DHX8: variants seen among roughly 807,000 people sequenced by gnomAD.
DHX8 encodes DEAH-box helicase 8.
In DHX8, 67 loss-of-function variants were observed where a neutral mutation model predicts 140.7. That is an observed-to-expected ratio of 0.48 (90% confidence interval 0.39 to 0.58). The LOEUF is 0.58. Ranked by LOEUF, DHX8 falls within the 20% of genes least tolerant of loss-of-function variation. The pLI, the probability that DHX8 is intolerant of heterozygous loss-of-function variation, is 0.00. For missense variants in DHX8, 887 were observed against 1,550.7 expected, an observed-to-expected ratio of 0.57 and a Z score of 7.19; for synonymous variants, 533 against 553.2, an observed-to-expected ratio of 0.96 and a Z score of 0.51.
rs1347418873 is a variant in DHX8, at chr17:43,507,885, TC to T, written c.2187del (p.Tyr730MetfsTer32). ...TLDAVKFSQY[F>X]YEAPIFTIPG... The stretch of plus-strand genomic sequence containing the variant: ...GATGCAGTGAAGTTTTCTCAATACT[TC>T]TATGAAGCTCCCATTTTCACCATCC... On this transcript the variant is annotated frameshift_variant, in exon 15 of 23. Transcript: ENST00000262415. LOFTEE classifies it high-confidence loss of function. 4 of 1,614,110 alleles carry T rather than the reference TC, an allele frequency of 2.5e-6. No homozygotes were observed. Among genetic ancestry groups the T allele is most frequent in the African/African-American group, 1.3e-5 (1 of 74,940 alleles).
chr17:43,506,389 C>T (rs1043921267), intron 12 of DHX8, among the ~76,000 whole-genome samples: 31 of 151,508 alleles, frequency 2.0e-4, no homozygotes, highest in African/African-American at 3.6e-4. Context: ...GAGGCCAAGG[C>T]GGGCGGATCA....
downstream of DHX8, chr17:43,526,687 C>A: frequency 6.6e-7 from 1 of 1,513,708 alleles, no homozygotes; most frequent in Non-Finnish European, 8.8e-7. Context: ...CTCCCTCTCT[C>A]TTCGTGTGTG....
At chr17:43,528,796 T>G, downstream of DHX8, 1 of 1,427,334 alleles carries the variant, frequency 7.0e-7, no homozygotes, top group Non-Finnish European at 9.8e-7. Context: ...AGCCTTTGTA[T>G]GGGGTAAGGT....
intron 1 of DHX8, 144 bp from the exon 2 acceptor site, chr17:43,489,305 A>T: frequency 1.7e-6 from 1 of 601,628 alleles, no homozygotes; most frequent in Non-Finnish European, 2.9e-6. Context: ...ACACCTGGCC[A>T]GATTTTCTCT....
At chr17:43,494,238 C>T (rs956705015) in intron 8 of DHX8, among the ~76,000 whole-genome samples, 1 of 152,136 alleles carries the variant, frequency 6.6e-6, no homozygotes, top group Non-Finnish European at 1.5e-5. Flanking sequence ...GAGCTGCCTC[C>T]ATGATTCAGT....
intron 1 of DHX8, among the ~76,000 whole-genome samples, chr17:43,487,607 A>G (rs1468474476): frequency 6.6e-6 from 1 of 151,948 alleles, no homozygotes; most frequent in Non-Finnish European, 1.5e-5. Context: ...GCCCACCACA[A>G]CCTCCCAAAG....
chr17:43,539,779 G>C (rs1414752115), intron 3 of DHX8, among the ~76,000 whole-genome samples: 1 of 152,190 alleles, frequency 6.6e-6, no homozygotes, highest in African/African-American at 2.4e-5. Context: ...CTCCAGGAAA[G>C]CACATCTCAC....
At position 43,492,902 on chromosome 17, in the gene DHX8, G is replaced by A. The variant is rs752031496; in HGVS notation, c.725G>A (p.Gly242Glu). 3.5e-5 allele frequency: 56 copies of A among 1,614,096 alleles called. No individual in the cohort carries two copies. The highest frequency in any genetic ancestry group is 4.7e-5 in the Non-Finnish European group (56 of 1,180,054). ...PKDRKDRDKY[G>E]ERNLDRWRDK... ...GACCGGAAGGACCGGGACAAATATG[G>A]AGAGCGGAATCTGGATAGATGGCGG... Residue 242 changes from glycine (G) to glutamate (E), a missense_variant, in exon 6 of 23, where the codon GGA becomes GAA. By Grantham distance (98) the Gly-to-Glu change is moderately conservative. Coordinates refer to ENST00000262415, the MANE Select transcript of DHX8 (RefSeq NM_004941.3).
At chr17:43,511,687 A>G (rs1300586067) in intron 16 of DHX8, among the ~76,000 whole-genome samples, 2 of 150,034 alleles carry the variant, frequency 1.3e-5, no homozygotes, top group Non-Finnish European at 3.0e-5. Flanking sequence ...CGAACTCCTG[A>G]TCTCAGATGA....
chr17:43,519,163 A>G (rs1970253393), intron 18 of DHX8: 1 of 152,224 alleles, frequency 6.6e-6, no homozygotes, highest in Non-Finnish European at 1.5e-5. Flanking sequence ...TATTTAGCCT[A>G]TTAAGGAACC....
At position 43,493,608 on chromosome 17, in the gene DHX8, C is replaced by T. The variant is rs755537171; in HGVS notation, c.1008+19C>T. On this transcript the variant is annotated intron_variant, in intron 7 of 22. Transcript: ENST00000262415. The stretch of plus-strand genomic sequence containing the variant: ...CATGAAGGTAGGTGAGATGGTCAGC[C>T]TGTTCTTACATGTGATGGCCAAGGG... The T allele has an allele frequency of 1.7e-5, 28 of 1,614,008 alleles. No individual in the cohort carries two copies. The highest frequency in any genetic ancestry group is 1.4e-4 in the South Asian group (13 of 91,072).
intron 11 of DHX8, among the ~76,000 whole-genome samples, chr17:43,502,881 G>A (rs1182759494): frequency 6.6e-6 from 1 of 152,170 alleles, no homozygotes; most frequent in African/African-American, 2.4e-5. Context: ...ACCCTTTAGT[G>A]AAATGTTCTC....
intron 9 of DHX8, among the ~76,000 whole-genome samples, chr17:43,497,603 A>T (rs2154586490): frequency 6.6e-6 from 1 of 152,214 alleles, no homozygotes; most frequent in South Asian, 2.1e-4. Flanking sequence ...AAAAGAAAAA[A>T]AATTAGCCAG....
chr17:43,489,415 CTCT>C (rs141196624), intron 1 of DHX8, 31 bp from the exon 2 acceptor site: 645,536 of 1,440,178 alleles, frequency 0.45, 151,595 homozygotes, highest in Non-Finnish European at 0.49. Flanking sequence ...TTGTTCATGT[CTCT>C]TCTTTTCTGA....
At position 43,504,583 on chromosome 17, in the gene DHX8, T is replaced by C. The variant is rs900017089; in HGVS notation, c.1547-61T>C. On this transcript the variant is annotated intron_variant, in intron 11 of 22. Transcript: ENST00000262415. ...CAGTGCCCGCATGCCATTTTATTTT[T>C]TTCCTGGTACATCTTGAGGTAGCTT... 8 of 1,515,166 alleles carry C rather than the reference T, an allele frequency of 5.3e-6. No homozygotes were observed. In the African/African-American group the frequency reaches 9.8e-5, roughly 19 times the overall value. 93.9% of individuals were successfully genotyped at this position (1,515,166 alleles called of 1,614,324 possible). A position where few individuals can be genotyped will look rare whatever the true frequency, so the allele number is the denominator to read the frequency against.
downstream of DHX8, chr17:43,529,101 C>T: frequency 6.2e-7 from 1 of 1,603,142 alleles, no homozygotes; most frequent in Non-Finnish European, 8.5e-7. Context: ...GCCACTGCCC[C>T]CCACCACCTT....
At chr17:43,520,681 G>A in intron 19 of DHX8, 70 bp from the exon 20 acceptor site, 2 of 1,598,898 alleles carry the variant, frequency 1.3e-6, no homozygotes, top group Non-Finnish European at 1.7e-6. Flanking sequence ...CTCTGACCAA[G>A]GTCTTGCTCT....
downstream of DHX8, chr17:43,526,694 T>C: frequency 1.3e-6 from 2 of 1,504,642 alleles, no homozygotes; most frequent in South Asian, 2.5e-5. Context: ...TCTCTTCGTG[T>C]GTGTACTCGG....
chr17:43,522,445 G>A (rs777825165), intron 22 of DHX8, among the ~76,000 whole-genome samples: 11 of 151,966 alleles, frequency 7.2e-5, no homozygotes, highest in Non-Finnish European at 1.3e-4. Flanking sequence ...AAAAAAAATT[G>A]TGGTTTAAAA....
Sources: allele counts gnomAD v4.1 joint callset (sites outside exome capture counted in the v4.1 genomes callset), GRCh38; gene constraint gnomAD v4.1.1; transcripts MANE v1.5; gene names NCBI Gene and HGNC (gene_info 2026-07-23, HGNC 2026-07-21).